Variants in NCAPH2 observed in about 807,000 individuals in gnomAD.
NCAPH2 encodes the protein non-SMC condensin II complex subunit H2.
NCAPH2 carries 56 observed loss-of-function variants against 88.6 expected under a neutral mutation model. The ratio of observed to expected loss-of-function variants is 0.63; its 90% CI spans 0.51 to 0.79. The LOEUF (loss-of-function observed/expected upper bound fraction) is 0.79. NCAPH2 is among the 30% of genes least tolerant of loss of function. The probability of loss-of-function intolerance (pLI) is 0.00; values close to 1 mark genes in which losing one functional copy is unlikely to be tolerated. For missense variants in NCAPH2, 794 were observed against 792.0 expected, an observed-to-expected ratio of 1.00 and a Z score of -0.03; for synonymous variants, 378 against 313.6, an observed-to-expected ratio of 1.21 and a Z score of -2.17.
intron 1 of NCAPH2, among the ~76,000 whole-genome samples, chr22:50,513,286 A>C (rs1185512908): frequency 3.9e-5 from 6 of 152,126 alleles, no homozygotes; most frequent in African/African-American, 1.4e-4. Flanking sequence ...TGGGGGGCCA[A>C]GGTGGCTCAC....
Position 50,522,549 on chromosome 22 carries a change from C to T in NCAPH2, c.1355C>T (p.Pro452Leu). The change falls in exon 16 of 20, where the codon CCC becomes CTC. Residue 452 changes from proline (P) to leucine (L), a missense_variant. Around this residue, in one of 2 missense-constraint regions of NCAPH2, gnomAD observed 735 missense variants for 696.3 expected, o/e 1.06. Coordinates refer to ENST00000420993, the MANE Select transcript of NCAPH2 (RefSeq NM_152299.4). The stretch of plus-strand genomic sequence containing the variant: ...TACATGGAGCCCGAGGGAGCAGACC[C>T]CAGGGAAGCCGCTGACCTTGGTAGG... ...EEYMEPEGADPREAADLDAVP... is the reference protein window; with the variant it reads ...EEYMEPEGADLREAADLDAVP... 6.2e-7 allele frequency: 1 copy of T among 1,613,730 alleles called. No homozygotes were observed. The highest frequency in any genetic ancestry group is 8.5e-7 in the Non-Finnish European group (1 of 1,179,966).
intron 1 of NCAPH2, chr22:50,515,763 G>A (rs1345331342): frequency 2.3e-6 from 3 of 1,302,824 alleles, no homozygotes; most frequent in Non-Finnish European, 1.0e-6. Flanking sequence ...CCAGCGTTGG[G>A]GAAGATGTTG....
intron 1 of NCAPH2, among the ~76,000 whole-genome samples, chr22:50,509,243 C>T (rs183159164): frequency 9.3e-4 from 141 of 152,246 alleles, no homozygotes; most frequent in South Asian, 3.1e-3. Flanking sequence ...TAAATATTGC[C>T]TGTATTAGGA....
Position 50,524,223 on chromosome 22 carries a change from G to GATCAGCAGCC in NCAPH2, c.*849_*858dup, listed in dbSNP as rs1467767014. The GATCAGCAGCC allele has an allele frequency of 1.9e-6, 3 of 1,607,988 alleles. No homozygotes were observed. The highest frequency in any genetic ancestry group is 2.5e-6 in the Non-Finnish European group (3 of 1,179,902). ...CGAGTCCAGCCCCGAACAGGCCTGT[G>GATCAGCAGCC]ATCAGCAGCCGGGTTCGAAGCCCAG... is the stretch of plus-strand genomic sequence containing the variant. On this transcript the variant is annotated 3_prime_UTR_variant, in exon 20 of 20. Transcript: ENST00000420993.
At chr22:50,511,257 G>A (rs979384897) in intron 1 of NCAPH2, among the ~76,000 whole-genome samples, 2 of 150,418 alleles carry the variant, frequency 1.3e-5, no homozygotes. Flanking sequence ...CCACCTTCTG[G>A]GTTCAAGCAG....
chr22:50,513,973 C>T (rs2068852191), intron 1 of NCAPH2, among the ~76,000 whole-genome samples: 1 of 151,974 alleles, frequency 6.6e-6, no homozygotes, highest in Admixed American at 6.6e-5. Flanking sequence ...CAAAAATTAG[C>T]CGGGCGCCTA....
At chr22:50,508,538 T>G (rs2068691010) in intron 1 of NCAPH2, 93 bp downstream of exon 1, 2 of 890,838 alleles carry the variant, frequency 2.2e-6, no homozygotes, top group African/African-American at 3.6e-5. Context: ...CCCCACCGTC[T>G]CCACGCCTAT....
At position 50,519,201 on chromosome 22, in the gene NCAPH2, G is replaced by C. The variant is rs2069012741; in HGVS notation, c.742G>C (p.Glu248Gln). 1.2e-6 allele frequency: 2 copies of C among 1,609,772 alleles called. No individual in the cohort carries two copies. Among genetic ancestry groups the C allele is most frequent in the Non-Finnish European group, 1.7e-6 (2 of 1,178,712 alleles). ...GFSQEPGPSPEGPMPLGGGED... is the reference protein window; with the variant it reads ...GFSQEPGPSPQGPMPLGGGED... Reference sequence around the variant, plus strand: ...TGCTCCCTGCCTAGGCCCCTCTCCAGAAGGCCCGATGCCCCTGGGTGGGGG... The same window carrying C: ...TGCTCCCTGCCTAGGCCCCTCTCCACAAGGCCCGATGCCCCTGGGTGGGGG... Residue 248 changes from glutamate (E) to glutamine (Q), a missense_variant, in exon 9 of 20, where the codon GAA (glutamate) becomes CAA (glutamine). This residue lies in a region of NCAPH2 where 735 missense variants were observed against 696.3 expected (regional missense o/e 1.06). Transcript: ENST00000420993.
chr22:50,513,566 C>T (rs1054542659), intron 1 of NCAPH2, among the ~76,000 whole-genome samples: 1 of 152,214 alleles, frequency 6.6e-6, no homozygotes, highest in Non-Finnish European at 1.5e-5. Flanking sequence ...CGAGATGAGT[C>T]TGACCAGCAT....
At position 50,522,209 on chromosome 22, in the gene NCAPH2, G is replaced by A; in HGVS notation, c.1191G>A (p.Val397=). 6.2e-7 allele frequency: 1 copy of A among 1,613,858 alleles called. No individual in the cohort carries two copies. The highest frequency in any genetic ancestry group is 2.2e-5 in the East Asian group (1 of 44,886). ...TGGAGGTCCTGTACTGGACACACGT[G>A]AAGGAGCAGTTGGAAACTCTCCGGA... ...ADMEVLYWTH[V]KEQLETLRKL... The change falls in exon 14 of 20, where the codon GTG becomes GTA. Residue 397 remains valine, a synonymous_variant. Transcript: ENST00000420993.
At position 50,522,212 on chromosome 22, in the gene NCAPH2, G is replaced by A. The variant is rs2069124483; in HGVS notation, c.1194G>A (p.Lys398=). 1 of 1,613,890 alleles carries A rather than the reference G, an allele frequency of 6.2e-7. No individual in the cohort carries two copies. The highest frequency in any genetic ancestry group is 8.5e-7 in the Non-Finnish European group (1 of 1,179,976). ...AGGTCCTGTACTGGACACACGTGAA[G>A]GAGCAGTTGGAAACTCTCCGGAAGC... ...DMEVLYWTHV[K]EQLETLRKLQ... is the part of the protein sequence containing the mutation. The change falls in exon 14 of 20, where the codon AAG becomes AAA. Residue 398 remains lysine, a synonymous_variant. Transcript: ENST00000420993.
In NCAPH2 at chr22:50,524,687, G is replaced by C. The variant is rs1367515214; in HGVS notation, c.*1312G>C. The C allele has an allele frequency of 1.5e-6, 1 of 669,144 alleles. No homozygotes were observed. The highest frequency in any genetic ancestry group is 2.8e-6 in the Non-Finnish European group (1 of 354,412). The allele number at this position is 669,144 out of a possible 1,614,324, so 41.5% of individuals were successfully genotyped here. A position where few individuals can be genotyped will look rare whatever the true frequency, so the allele number is the denominator to read the frequency against. On this transcript the variant is annotated 3_prime_UTR_variant, in exon 20 of 20. Transcript: ENST00000420993. Reference sequence around the variant, plus strand: ...CTGCCCTGCACCTGCACCTCAGCAAGGTGAACCTCTTGCTGACGGAAAGCA... The same window carrying C: ...CTGCCCTGCACCTGCACCTCAGCAACGTGAACCTCTTGCTGACGGAAAGCA...
chr22:50,515,126 A>G (rs2068880066), intron 1 of NCAPH2, among the ~76,000 whole-genome samples: 1 of 152,258 alleles, frequency 6.6e-6, no homozygotes, highest in Non-Finnish European at 1.5e-5. Flanking sequence ...AAGGGACACG[A>G]TCACACTAAG....
chr22:50,517,557 G>A lies in NCAPH2; in HGVS notation c.267-20G>A, dbSNP rs762390370. The A allele has an allele frequency of 1.1e-5, 18 of 1,613,938 alleles. No homozygotes were observed. The highest frequency in any genetic ancestry group is 2.2e-5 in the East Asian group (1 of 44,886). ...CCCCTGCAGCTCCTGGGATGCCCAC[G>A]GGATGTGCTTCTCTCTCAGGCGGGC... is the stretch of plus-strand genomic sequence containing the variant. On this transcript the variant is annotated intron_variant, in intron 3 of 19. Coordinates refer to ENST00000420993, the MANE Select transcript of NCAPH2 (RefSeq NM_152299.4).
intron 1 of NCAPH2, among the ~76,000 whole-genome samples, chr22:50,509,701 C>A (rs1451895758): frequency 6.6e-6 from 1 of 152,218 alleles, no homozygotes; most frequent in East Asian, 1.9e-4. Context: ...CTGGCCACAG[C>A]ACTGTTTTCT....
At chr22:50,517,194 C>T (rs756314981) in intron 2 of NCAPH2, among the ~76,000 whole-genome samples, 6 of 152,206 alleles carry the variant, frequency 3.9e-5, no homozygotes, top group South Asian at 2.1e-4. Context: ...CTCGCGGCTG[C>T]GTGGACCATA....
chr22:50,516,778 G>C (rs1316378614), intron 2 of NCAPH2, among the ~76,000 whole-genome samples: 2 of 152,354 alleles, frequency 1.3e-5, no homozygotes, highest in Non-Finnish European at 2.9e-5. Context: ...TGTCTTGGGG[G>C]AATGACACCT....
chr22:50,521,757 G>T lies in NCAPH2; in HGVS notation c.1017G>T (p.Val339=), dbSNP rs570003266. The change falls in exon 12 of 20, where the codon GTG becomes GTT. Residue 339 remains valine, a synonymous_variant. Coordinates refer to ENST00000420993, the MANE Select transcript of NCAPH2 (RefSeq NM_152299.4). ...KPFKKGRPYS[V]PPCVEEALGQ... ...TGCCCCCAGGTAGGCCTTACTCTGT[G>T]CCCCCCTGTGTGGAGGAGGCTCTGG... 3.7e-6 allele frequency: 6 copies of T among 1,613,806 alleles called. No homozygotes were observed. The African/African-American group carries it at 6.7e-5, about 18-fold the overall frequency.
In NCAPH2 at chr22:50,510,485, T is replaced by C. The variant is rs2068754216; in HGVS notation, c.108+2040T>C. Among the ~76,000 whole-genome samples, 3 of 152,070 alleles carry C rather than the reference T, an allele frequency of 2.0e-5. No individual in the cohort carries two copies. The South Asian group carries it at 6.2e-4, about 31-fold the overall frequency. ...CTCTGTTGCCCGGGCTGGAGTACAA[T>C]GGCAGAATCTTGGCTCACTGCAACC... On this transcript the variant is annotated intron_variant, in intron 1 of 19. Coordinates refer to ENST00000420993, the MANE Select transcript of NCAPH2 (RefSeq NM_152299.4).
Sources: gnomAD v4.1 joint callset for allele counts (sites outside exome capture counted in the v4.1 genomes callset) on GRCh38, gnomAD v4.1.1 for gene constraint, gnomAD v4.1.1 regional missense constraint, MANE v1.5 for transcripts, NCBI Gene and HGNC (gene_info 2026-07-23, HGNC 2026-07-21) for gene names.